Variants in OR4K17 observed in about 807,000 individuals in gnomAD.
OR4K17 encodes olfactory receptor family 4 subfamily K member 17.
For synonymous variants in OR4K17, 157 were observed against 132.8 expected, an observed-to-expected ratio of 1.18 and a Z score of -1.25; for missense variants, 480 against 366.3, an observed-to-expected ratio of 1.31 and a Z score of -2.53.
At chr14:20,112,520 G>A (rs550695497) in intron 1 of OR4K17, among the ~76,000 whole-genome samples, 1 of 152,150 alleles carries the variant, frequency 6.6e-6, no homozygotes, top group African/African-American at 2.4e-5. Flanking sequence ...GTCACATGGT[G>A]ATGATAGGTT....
rs1035942890 is a variant in OR4K17, at chr14:20,120,451, A to G, written c.*2013A>G. On this transcript the variant is annotated 3_prime_UTR_variant, in exon 2 of 2. Coordinates refer to ENST00000641386, the MANE Select transcript of OR4K17 (RefSeq NM_001004715.5). ...TGTCTGACTCCAAAAAGAAAATTAT[A>G]CATTCTAGGTAAATGAACTCTAGTC... The G allele has an allele frequency of 1.3e-5, 2 of 152,218 alleles. No individual in the cohort carries two copies. Among genetic ancestry groups the G allele is most frequent in the Non-Finnish European group, 2.9e-5 (2 of 68,036 alleles). The allele number at this position is 152,218 out of a possible 1,614,324, so 9.4% of individuals were successfully genotyped here. A position where few individuals can be genotyped will look rare whatever the true frequency, so the allele number is the denominator to read the frequency against.
intron 1 of OR4K17, among the ~76,000 whole-genome samples, chr14:20,113,195 C>T (rs1468270443): frequency 1.3e-5 from 2 of 152,000 alleles, no homozygotes; most frequent in African/African-American, 2.4e-5. Flanking sequence ...GACAGTTCTA[C>T]TCAAATAGCA....
chr14:20,114,909 T>C (rs1238846839), intron 1 of OR4K17, among the ~76,000 whole-genome samples: 1 of 152,072 alleles, frequency 6.6e-6, no homozygotes, highest in Non-Finnish European at 1.5e-5. Context: ...TACTACTTGA[T>C]TTCAAAAGCT....
chr14:20,116,363 C>G (rs1877992124), intron 1 of OR4K17, among the ~76,000 whole-genome samples: 2 of 152,136 alleles, frequency 1.3e-5, no homozygotes, highest in Non-Finnish European at 2.9e-5. Flanking sequence ...GACACACACA[C>G]ATACATTATA....
rs193284947 is a variant in OR4K17 at position 20,113,137 on chromosome 14, A to T, written c.-33+2245A>T. Among the ~76,000 whole-genome samples, 622 of 152,152 alleles carry T rather than the reference A, an allele frequency of 4.1e-3. 7 individuals carry two copies. Among genetic ancestry groups the T allele is most frequent in the African/African-American group, 0.014 (596 of 41,558 alleles). On this transcript the variant is annotated intron_variant, in intron 1 of 1. Coordinates refer to ENST00000641386, the MANE Select transcript of OR4K17 (RefSeq NM_001004715.5). ...GCATTACAGCAATCCCATGCCAAAA[A>T]AAATTATGTTTTAATTAGGTCATGC...
chr14:20,119,617 G>T lies in OR4K17; in HGVS notation c.*1179G>T. 1 of 152,420 alleles carries T rather than the reference G, an allele frequency of 6.6e-6. No individual in the cohort carries two copies. Among genetic ancestry groups the T allele is most frequent in the South Asian group, 2.0e-4 (1 of 4,976 alleles). The allele number at this position is 152,420 out of a possible 1,614,324, so 9.4% of individuals were successfully genotyped here. ...AGAGCCAAGGCAGGTTGCCTTGGCTGACTTGAGGTCAGGAGTTTGAGACCA... is the reference window on the plus strand; with the variant it reads ...AGAGCCAAGGCAGGTTGCCTTGGCTTACTTGAGGTCAGGAGTTTGAGACCA... On this transcript the variant is annotated 3_prime_UTR_variant, in exon 2 of 2. Transcript: ENST00000641386.
rs1878058363 is a variant in OR4K17 at position 20,118,134 on chromosome 14, T to C, written c.635T>C (p.Ile212Thr). 6.2e-7 allele frequency: 1 copy of C among 1,614,014 alleles called. No homozygotes were observed. The highest frequency in any genetic ancestry group is 1.3e-5 in the African/African-American group (1 of 74,918). The change falls in exon 2 of 2, where the codon ATT becomes ACT. Residue 212 changes from isoleucine to threonine, a missense_variant. Coordinates refer to ENST00000641386, the MANE Select transcript of OR4K17 (RefSeq NM_001004715.5). ...NSGIISLSCF[I>T]ILLISYSLIL... Reference sequence around the variant, plus strand: ...GGCATAATCTCCCTGAGCTGTTTCATTATTTTGCTTATCTCCTACAGTCTG... The same window carrying C: ...GGCATAATCTCCCTGAGCTGTTTCACTATTTTGCTTATCTCCTACAGTCTG...
intron 1 of OR4K17, among the ~76,000 whole-genome samples, chr14:20,115,324 T>C (rs983231366): frequency 3.3e-5 from 5 of 152,112 alleles, no homozygotes; most frequent in Admixed American, 1.3e-4. Flanking sequence ...TCTTTGTTAA[T>C]AGTTGTGGCA....
chr14:20,121,701 A>G lies in OR4K17; in HGVS notation c.*3263A>G, dbSNP rs527640626. On this transcript the variant is annotated 3_prime_UTR_variant, in exon 2 of 2. Transcript: ENST00000641386. ...CTATGAATAAATGAAGACGAAAGAG[A>G]AAGATGAAGCAAAAGAAAAGGAAGG... The G allele has an allele frequency of 3.3e-5, 5 of 152,162 alleles. No individual in the cohort carries two copies. Among genetic ancestry groups the G allele is most frequent in the Non-Finnish European group, 7.4e-5 (5 of 67,968 alleles). 9.4% of individuals were successfully genotyped at this position (152,162 alleles called of 1,614,324 possible). A position where few individuals can be genotyped will look rare whatever the true frequency, so the allele number is the denominator to read the frequency against.
intron 1 of OR4K17, among the ~76,000 whole-genome samples, chr14:20,113,823 A>G (rs1877930961): frequency 6.6e-6 from 1 of 151,866 alleles, no homozygotes; most frequent in Admixed American, 6.6e-5. Context: ...CCAGTCGTAT[A>G]GCTCTTGTGA....
intron 1 of OR4K17, among the ~76,000 whole-genome samples, chr14:20,116,593 G>A (rs188117851): frequency 9.9e-5 from 15 of 152,202 alleles, no homozygotes; most frequent in Admixed American, 6.6e-5. Context: ...AAATAAAGGG[G>A]ATGTGATATG....
At position 20,117,710 on chromosome 14, in the gene OR4K17, A is replaced by G. The variant is rs369260639; in HGVS notation, c.211A>G (p.Met71Val). 3.1e-6 allele frequency: 5 copies of G among 1,614,064 alleles called. No individual in the cohort carries two copies. The highest frequency in any genetic ancestry group is 4.2e-6 in the Non-Finnish European group (5 of 1,179,988). The change falls in exon 2 of 2, where the codon ATG becomes GTG. Residue 71 changes from methionine (M) to valine (V), a missense_variant. By Grantham distance (21) the Met-to-Val change is conservative. Coordinates refer to ENST00000641386, the MANE Select transcript of OR4K17 (RefSeq NM_001004715.5). ...CCTTGGTAATCTCTCTTTTGTAGAT[A>G]TGACCCTTGCTTCTTTTGCCACCCC... ...FLLGNLSFVD[M>V]TLASFATPKV...
In OR4K17 at chr14:20,117,980, C is replaced by A. The variant is rs774296046; in HGVS notation, c.481C>A (p.Pro161Thr). The A allele has an allele frequency of 6.2e-7, 1 of 1,614,090 alleles. No individual in the cohort carries two copies. Among genetic ancestry groups the A allele is most frequent in the Non-Finnish European group, 8.5e-7 (1 of 1,180,014 alleles). The stretch of plus-strand genomic sequence containing the variant: ...TCTCCTTCACTCAGGGTTTCAGATA[C>A]CATTTGCTGTGAACTTGCCCTTTTG... ...LGLLHSGFQI[P>T]FAVNLPFCGP... The change falls in exon 2 of 2, where the codon CCA (proline) becomes ACA (threonine). Residue 161 changes from proline (P) to threonine (T), a missense_variant. Coordinates refer to ENST00000641386, the MANE Select transcript of OR4K17 (RefSeq NM_001004715.5).
intron 1 of OR4K17, 66 bp downstream of exon 1, chr14:20,110,958 A>G (rs1877871349): frequency 6.6e-6 from 1 of 152,072 alleles, no homozygotes; most frequent in South Asian, 2.1e-4. Flanking sequence ...CACACAAGAT[A>G]GCAATTGTTA....
In OR4K17 at chr14:20,118,199, T is replaced by C; in HGVS notation, c.700T>C (p.Ser234Pro). 1 of 1,614,112 alleles carries C rather than the reference T, an allele frequency of 6.2e-7. No individual in the cohort carries two copies. ...TIKNHSPTGQ[S>P]KARSTLTAHI... ...TAAGAACCACTCTCCTACTGGGCAATCTAAAGCCCGTTCCACTTTGACTGC... is the reference window on the plus strand; with the variant it reads ...TAAGAACCACTCTCCTACTGGGCAACCTAAAGCCCGTTCCACTTTGACTGC... The change falls in exon 2 of 2, where the codon TCT (serine) becomes CCT (proline). Residue 234 changes from serine (S) to proline (P), a missense_variant. Transcript: ENST00000641386.
chr14:20,112,473 A>T (rs1410257957), intron 1 of OR4K17, among the ~76,000 whole-genome samples: 1 of 152,128 alleles, frequency 6.6e-6, no homozygotes, highest in African/African-American at 2.4e-5. Context: ...TCAGTGTTCC[A>T]TCCCTGTTAC....
chr14:20,110,959 G>A (rs536924301), intron 1 of OR4K17, 67 bp downstream of exon 1: 1 of 152,100 alleles, frequency 6.6e-6, no homozygotes, highest in East Asian at 1.9e-4. Flanking sequence ...ACACAAGATA[G>A]CAATTGTTAA....
rs146199187 is a variant in OR4K17 at position 20,119,251 on chromosome 14, A to T, written c.*813A>T. 3.4e-4 allele frequency: 51 copies of T among 152,178 alleles called. No homozygotes were observed. The highest frequency in any genetic ancestry group is 1.2e-3 in the African/African-American group (49 of 41,436). The allele number at this position is 152,178 out of a possible 1,614,324, so 9.4% of individuals were successfully genotyped here. A position where few individuals can be genotyped will look rare whatever the true frequency, so the allele number is the denominator to read the frequency against. On this transcript the variant is annotated 3_prime_UTR_variant, in exon 2 of 2. Coordinates refer to ENST00000641386, the MANE Select transcript of OR4K17 (RefSeq NM_001004715.5). ...TCTTTTTTCAAAGTGCCCAGATTTC[A>T]TATTGTTTAAACACACATGCTTTAT...
rs896408329 is a variant in OR4K17 at position 20,120,292 on chromosome 14, C to T, written c.*1854C>T. On this transcript the variant is annotated 3_prime_UTR_variant, in exon 2 of 2. Transcript: ENST00000641386. ...CTAAGAAACCAGTAATTCAGACTTTCCATATCTACCTACACTCATTTTTCT... is the reference window on the plus strand; with the variant it reads ...CTAAGAAACCAGTAATTCAGACTTTTCATATCTACCTACACTCATTTTTCT... The T allele has an allele frequency of 2.0e-5, 3 of 152,168 alleles. No homozygotes were observed. Among genetic ancestry groups the T allele is most frequent in the Non-Finnish European group, 2.9e-5 (2 of 68,030 alleles). The allele number at this position is 152,168 out of a possible 1,614,324, so 9.4% of individuals were successfully genotyped here.
Sources: gnomAD v4.1 joint callset for allele counts (sites outside exome capture counted in the v4.1 genomes callset) on GRCh38, gnomAD v4.1.1 for gene constraint, MANE v1.5 for transcripts, NCBI Gene and HGNC (gene_info 2026-07-23, HGNC 2026-07-21) for gene names.